Variants in CAMK2B observed in about 807,000 individuals in gnomAD.
CAMK2B encodes the protein calcium/calmodulin dependent protein kinase II beta, also known as calcium/calmodulin-dependent protein kinase type II subunit beta.
In CAMK2B, 27 loss-of-function variants were observed where a neutral mutation model predicts 93.7. The ratio of observed to expected loss-of-function variants is 0.29; its 90% CI spans 0.21 to 0.40. CAMK2B has a LOEUF of 0.40. Ranked by LOEUF, CAMK2B falls within the 10% of genes least tolerant of loss-of-function variation. The pLI, the probability that CAMK2B is intolerant of heterozygous loss-of-function variation, is 1.00. For synonymous variants in CAMK2B, 374 were observed against 358.8 expected (o/e 1.04, Z -0.48); for missense variants, 568 against 895.8 (o/e 0.63, Z 4.67).
intron 1 of CAMK2B, among the ~76,000 whole-genome samples, chr7:44,301,432 T>G (rs2129178360): frequency 6.6e-6 from 1 of 152,324 alleles, no homozygotes; most frequent in Middle Eastern, 3.4e-3. Flanking sequence ...CCATTGCACC[T>G]GGCCAAAAGT....
chr7:44,289,717 C>G (rs1584658869), intron 1 of CAMK2B, among the ~76,000 whole-genome samples: 2 of 152,366 alleles, frequency 1.3e-5, no homozygotes, highest in East Asian at 3.9e-4. Context: ...CAGTGTGATT[C>G]TGCTCCCAGG....
In CAMK2B at chr7:44,248,142, T is replaced by C. The variant is rs892220692; in HGVS notation, c.342-950A>G. ...GCATCTAGTTCAGCTCCCAGGGATC[T>C]GAGGGGCTGGGCAGGGGGCTGTGTG... On this transcript the variant is annotated intron_variant, in intron 5 of 23. Transcript: ENST00000395749. This position sits in a 1 kb window ranked among gnomAD's most constrained non-coding sequence, Gnocchi z 4.1. Among the ~76,000 whole-genome samples, 4 of 152,222 alleles carry C rather than the reference T, an allele frequency of 2.6e-5. No homozygotes were observed. Among genetic ancestry groups the C allele is most frequent in the African/African-American group, 9.6e-5 (4 of 41,464 alleles).
chr7:44,288,071 G>C (rs564765372), intron 1 of CAMK2B, among the ~76,000 whole-genome samples: 1 of 152,208 alleles, frequency 6.6e-6, no homozygotes, highest in Non-Finnish European at 1.5e-5. Context: ...CAGGAAGAGC[G>C]GCCCCTAGAG....
At position 44,311,747 on chromosome 7, in the gene CAMK2B, C is replaced by G. The variant is rs2116188284; in HGVS notation, c.65+13610G>C. 6.6e-6 allele frequency among the ~76,000 whole-genome samples: 1 copy of G among 152,326 alleles called. No homozygotes were observed. Among genetic ancestry groups the G allele is most frequent in the African/African-American group, 2.4e-5 (1 of 41,578 alleles). ...GGCCTCAGGGACAACAGTGGGAAACCAGAGGCCTTCAGGCCTGGGTCTCTG... is the reference window on the plus strand; with the variant it reads ...GGCCTCAGGGACAACAGTGGGAAACGAGAGGCCTTCAGGCCTGGGTCTCTG... On this transcript the variant is annotated intron_variant, in intron 1 of 23. Coordinates refer to ENST00000395749, the MANE Select transcript of CAMK2B (RefSeq NM_001220.5). The surrounding 1 kb of genome is among the most constrained non-coding windows in gnomAD (Gnocchi z 4.2).
Position 44,316,302 on chromosome 7 carries a change from T to C in CAMK2B, c.65+9055A>G, listed in dbSNP as rs754155120. Among the ~76,000 whole-genome samples the C allele has an allele frequency of 2.5e-4, 38 of 152,248 alleles. 1 individual carries two copies. Among genetic ancestry groups the C allele is most frequent in the Admixed American group, 1.5e-3 (23 of 15,290 alleles). ...TGGTTCATATAGTTTCAATGTTTGT[T>C]CTATCAACGTGGTGTATTATATAGA... is the stretch of plus-strand genomic sequence containing the variant. On this transcript the variant is annotated intron_variant, in intron 1 of 23. Transcript: ENST00000395749.
chr7:44,313,179 T>C (rs1321750911), intron 1 of CAMK2B, among the ~76,000 whole-genome samples: 1 of 152,010 alleles, frequency 6.6e-6, no homozygotes, highest in African/African-American at 2.4e-5. Context: ...CTAGCTGGGG[T>C]CCTGAGTGAC....
At chr7:44,254,216 C>T (rs1469197025) in intron 5 of CAMK2B, among the ~76,000 whole-genome samples, 2 of 152,174 alleles carry the variant, frequency 1.3e-5, no homozygotes, top group Non-Finnish European at 2.9e-5. Flanking sequence ...GAGGGTCAGC[C>T]TTGTGGGAAG....
intron 20 of CAMK2B, among the ~76,000 whole-genome samples, chr7:44,221,459 G>C (rs865919714): frequency 2.7e-5 from 4 of 149,958 alleles, no homozygotes; most frequent in Middle Eastern, 3.4e-3. Context: ...AAGGCCACCC[G>C]GAGGCCGGGG....
chr7:44,227,913 G>C lies in CAMK2B; in HGVS notation c.1468+883C>G, dbSNP rs562601925. On this transcript the variant is annotated intron_variant, in intron 19 of 23. Coordinates refer to ENST00000395749, the MANE Select transcript of CAMK2B (RefSeq NM_001220.5). ...TGTAGGGATAGAGCGTGGACTTAGG[G>C]GGACGTGGAGAGGTTGTAGGCTGAC... Among the ~76,000 whole-genome samples the C allele has an allele frequency of 6.5e-5, 9 of 139,064 alleles. No individual in the cohort carries two copies. The East Asian group carries it at 2.1e-3, about 32-fold the overall frequency. The allele number at this position is 139,064 out of a possible 152,430, so 91.2% of individuals were successfully genotyped here.
intron 2 of CAMK2B, among the ~76,000 whole-genome samples, chr7:44,266,285 C>T (rs1346878039): frequency 6.6e-6 from 1 of 152,202 alleles, no homozygotes; most frequent in African/African-American, 2.4e-5. Flanking sequence ...AGCCCCATCT[C>T]AGGGCAGGCC....
At chr7:44,231,328 G>A (rs1426808462) in intron 16 of CAMK2B, among the ~76,000 whole-genome samples, 1 of 152,202 alleles carries the variant, frequency 6.6e-6, no homozygotes, top group South Asian at 2.1e-4. Context: ...CCCTCACCAG[G>A]GTGCATTCTC....
chr7:44,249,224 T>C (rs1334343836), intron 5 of CAMK2B, among the ~76,000 whole-genome samples: 1 of 152,212 alleles, frequency 6.6e-6, no homozygotes, highest in African/African-American at 2.4e-5. Flanking sequence ...AACTGTGTCC[T>C]GCCAAGGCCT....
At chr7:44,236,157 C>T (rs2096624136) in intron 13 of CAMK2B, among the ~76,000 whole-genome samples, 1 of 152,232 alleles carries the variant, frequency 6.6e-6, no homozygotes, top group Admixed American at 6.5e-5. Flanking sequence ...CAGGAGGCTG[C>T]ACCCCGCAGG....
chr7:44,240,644 G>A (rs1471300256), intron 12 of CAMK2B, 63 bp downstream of exon 12: 45 of 1,558,504 alleles, frequency 2.9e-5, no homozygotes, highest in African/African-American at 1.6e-4. Flanking sequence ...GGAAGGAGGC[G>A]CTCTCCTGCG....
At position 44,277,537 on chromosome 7, in the gene CAMK2B, C is replaced by T. The variant is rs537740333; in HGVS notation, c.160+6594G>A. ...ACCAGGAGCCTTGAAGGACCAAGGC[C>T]GCCCTGCTCGGGCCCGGACATGAGT... On this transcript the variant is annotated intron_variant, in intron 2 of 23. Transcript: ENST00000395749. 1.0e-3 allele frequency among the ~76,000 whole-genome samples: 152 copies of T among 152,116 alleles called. 3 individuals carry two copies. Among genetic ancestry groups the T allele is most frequent in the African/African-American group, 3.6e-3 (148 of 41,520 alleles).
At chr7:44,285,074 G>A (rs1784683550) in intron 1 of CAMK2B, among the ~76,000 whole-genome samples, 1 of 152,182 alleles carries the variant, frequency 6.6e-6, no homozygotes. Flanking sequence ...GCCTGCAGAG[G>A]AGCTCCTGCC....
intron 4 of CAMK2B, among the ~76,000 whole-genome samples, chr7:44,256,788 G>A (rs892275685): frequency 1.9e-4 from 29 of 152,230 alleles, no homozygotes; most frequent in Non-Finnish European, 1.8e-4. Flanking sequence ...GGTGTGCTCT[G>A]TGTGCTCAGG....
chr7:44,314,775 T>C (rs948515179), intron 1 of CAMK2B, among the ~76,000 whole-genome samples: 1 of 152,248 alleles, frequency 6.6e-6, no homozygotes, highest in East Asian at 1.9e-4. Context: ...TTTTCGACAG[T>C]AGCCATCCTA....
rs763243840 is a variant in CAMK2B at position 44,226,592 on chromosome 7, T to C, written c.1521A>G (p.Pro507=). 12 of 1,510,854 alleles carry C rather than the reference T, an allele frequency of 7.9e-6. No homozygotes were observed. The South Asian group carries it at 1.5e-4, about 18-fold the overall frequency. 93.6% of individuals were successfully genotyped at this position (1,510,854 alleles called of 1,614,324 possible). The change falls in exon 20 of 24, where the codon CCA becomes CCG. Residue 507 remains proline (P), a synonymous_variant. Coordinates refer to ENST00000395749, the MANE Select transcript of CAMK2B (RefSeq NM_001220.5). Reference sequence around the variant, plus strand: ...CCACTGGCGAGGGGCCCTCGGCTTCTGGGGTCCCTGAGCCCCTCCTCACAG... The same window carrying C: ...CCACTGGCGAGGGGCCCTCGGCTTCCGGGGTCCCTGAGCCCCTCCTCACAG... ...LNSVRRGSGT[P]EAEGPSPVGP...
Sources: gnomAD v4.1 joint callset for allele counts (sites outside exome capture counted in the v4.1 genomes callset) on GRCh38, gnomAD v4.1.1 for gene constraint, Gnocchi (gnomAD v3.1) non-coding constraint, MANE v1.5 for transcripts, NCBI Gene and HGNC (gene_info 2026-07-23, HGNC 2026-07-21) for gene names.